HTR7: variants seen among roughly 807,000 people sequenced by gnomAD.
HTR7 encodes the protein 5-HT-7.
HTR7 carries 16 observed loss-of-function variants against 34.0 expected under a neutral mutation model. The ratio of observed to expected loss-of-function variants is 0.47; its 90% CI spans 0.32 to 0.71. HTR7 has a LOEUF of 0.71. Ranked by LOEUF, HTR7 falls within the 30% of genes least tolerant of loss-of-function variation. The probability of loss-of-function intolerance (pLI) is 0.04; values close to 1 mark genes in which losing one functional copy is unlikely to be tolerated. For synonymous variants in HTR7, 265 were observed against 260.2 expected, an observed-to-expected ratio of 1.02 and a Z score of -0.18; for missense variants, 504 against 625.5, an observed-to-expected ratio of 0.81 and a Z score of 2.07.
intron 1 of HTR7, among the ~76,000 whole-genome samples, chr10:90,758,896 G>A (rs1244666937): frequency 6.6e-6 from 1 of 152,124 alleles, no homozygotes; most frequent in Non-Finnish European, 1.5e-5. Flanking sequence ...TGTATAAAAT[G>A]TGAAATAGCG....
Position 90,811,177 on chromosome 10 carries a change from T to C in HTR7, c.539+45956A>G, listed in dbSNP as rs187224412. ...GTGCAGGGCTGTGCAGTCGGAATTC[T>C]TACACAAGGACCGGGATCGCGTCCT... On this transcript the variant is annotated intron_variant, in intron 1 of 3. Transcript: ENST00000336152. Among the ~76,000 whole-genome samples, 11 of 152,310 alleles carry C rather than the reference T, an allele frequency of 7.2e-5. No homozygotes were observed. The East Asian group carries it at 2.1e-3, about 29-fold the overall frequency.
intron 1 of HTR7, among the ~76,000 whole-genome samples, chr10:90,842,034 A>G (rs1279727801): frequency 6.6e-6 from 1 of 152,022 alleles, no homozygotes; most frequent in Non-Finnish European, 1.5e-5. Flanking sequence ...AACAACAACA[A>G]CAAAAAAGAT....
chr10:90,847,954 C>T (rs1049178404), intron 1 of HTR7, among the ~76,000 whole-genome samples: 1 of 151,888 alleles, frequency 6.6e-6, no homozygotes, highest in African/African-American at 2.4e-5. Flanking sequence ...ATTAAGTTAA[C>T]CCTTGTGTAA....
intron 1 of HTR7, among the ~76,000 whole-genome samples, chr10:90,767,663 A>G (rs970073887): frequency 6.6e-6 from 1 of 152,132 alleles, no homozygotes; most frequent in Non-Finnish European, 1.5e-5. Flanking sequence ...CCCTTAAGAG[A>G]TGTGCAGCTT....
At chr10:90,815,433 T>C (rs1053689321) in intron 1 of HTR7, among the ~76,000 whole-genome samples, 3 of 152,192 alleles carry the variant, frequency 2.0e-5, no homozygotes, top group African/African-American at 7.2e-5. Flanking sequence ...ACCTAAATGT[T>C]TATAAAAATG....
At chr10:90,747,382 T>C (rs1844657140) in intron 2 of HTR7, among the ~76,000 whole-genome samples, 1 of 152,208 alleles carries the variant, frequency 6.6e-6, no homozygotes, top group Non-Finnish European at 1.5e-5. Context: ...TGGGTTTGCT[T>C]ACAGTACATG....
chr10:90,762,586 C>T (rs1373781221), intron 1 of HTR7, among the ~76,000 whole-genome samples: 2 of 152,044 alleles, frequency 1.3e-5, no homozygotes, highest in African/African-American at 4.8e-5. Context: ...CTGTACATGG[C>T]CTTTTCATGT....
At chr10:90,782,295 T>C (rs143444411) in intron 1 of HTR7, among the ~76,000 whole-genome samples, 3 of 152,266 alleles carry the variant, frequency 2.0e-5, no homozygotes, top group African/African-American at 7.2e-5. Context: ...GAGCAAACCA[T>C]TGACCCCCGC....
At chr10:90,833,332 T>C (rs548067188) in intron 1 of HTR7, among the ~76,000 whole-genome samples, 1 of 152,318 alleles carries the variant, frequency 6.6e-6, no homozygotes, top group South Asian at 2.1e-4. Flanking sequence ...GAATAGACCA[T>C]ATTTTACATT....
chr10:90,768,398 C>T (rs1845055578), intron 1 of HTR7, among the ~76,000 whole-genome samples: 1 of 152,156 alleles, frequency 6.6e-6, no homozygotes, highest in Admixed American at 6.5e-5. Context: ...ATATATAAGG[C>T]ATATATTGAG....
intron 1 of HTR7, among the ~76,000 whole-genome samples, chr10:90,803,281 A>G (rs898153101): frequency 1.3e-5 from 2 of 152,080 alleles, no homozygotes; most frequent in African/African-American, 4.8e-5. Context: ...GGGGTTTGAT[A>G]TGTTGGCATA....
rs1355915580 is a variant in HTR7 at position 90,786,765 on chromosome 10, TTGTTCAA to T, written c.540-37178_540-37172del. 1.9e-4 allele frequency among the ~76,000 whole-genome samples: 29 copies of T among 152,298 alleles called. No individual in the cohort carries two copies. The East Asian group carries it at 5.0e-3, about 26-fold the overall frequency. On this transcript the variant is annotated intron_variant, in intron 1 of 3. Coordinates refer to ENST00000336152, the MANE Select transcript of HTR7 (RefSeq NM_019859.4). ...GTCTTGACATTTGCCTTCAAGATGT[TTGTTCAA>T]TGTAGAGAGAAAGCAAGAGGGCAAG...
intron 1 of HTR7, among the ~76,000 whole-genome samples, chr10:90,754,060 T>TA (rs889307756): frequency 3.2e-4 from 49 of 151,780 alleles, no homozygotes; most frequent in South Asian, 1.0e-3. Flanking sequence ...AGTGAGCATG[T>TA]AAAAAAAACA....
At chr10:90,832,564 C>T (rs766296100) in intron 1 of HTR7, among the ~76,000 whole-genome samples, 5 of 152,208 alleles carry the variant, frequency 3.3e-5, no homozygotes, top group African/African-American at 4.8e-5. Context: ...TCTCTCTCCA[C>T]ACCTTCCCAC....
rs371856419 is a variant in HTR7, at chr10:90,749,898, G to A, written c.540-304C>T. On this transcript the variant is annotated intron_variant, in intron 1 of 3. Transcript: ENST00000336152. This position sits in a 1 kb window ranked among gnomAD's most constrained non-coding sequence, Gnocchi z 4.2. Reference sequence around the variant, plus strand: ...GTCAACAAAGTTTAAAAAGCTCTCCGTCCCCATGACCACAGCCACCAAAAT... The same window carrying A: ...GTCAACAAAGTTTAAAAAGCTCTCCATCCCCATGACCACAGCCACCAAAAT... Among the ~76,000 whole-genome samples the A allele has an allele frequency of 5.3e-4, 80 of 152,080 alleles. No homozygotes were observed. The highest frequency in any genetic ancestry group is 6.9e-4 in the Non-Finnish European group (47 of 68,012).
At chr10:90,797,042 C>A (rs1845551492) in intron 1 of HTR7, among the ~76,000 whole-genome samples, 1 of 151,322 alleles carries the variant, frequency 6.6e-6, no homozygotes, top group Non-Finnish European at 1.5e-5. Flanking sequence ...AAATTTTAAT[C>A]TTCTCCTGAT....
intron 1 of HTR7, among the ~76,000 whole-genome samples, chr10:90,755,125 T>C (rs1844816401): frequency 6.6e-6 from 1 of 152,202 alleles, no homozygotes; most frequent in Non-Finnish European, 1.5e-5. Flanking sequence ...CCTTCTCCCA[T>C]TCAATTACAA....
intron 1 of HTR7, among the ~76,000 whole-genome samples, chr10:90,793,436 A>C (rs1845489449): frequency 6.8e-6 from 1 of 147,988 alleles, no homozygotes; most frequent in Non-Finnish European, 1.5e-5. Flanking sequence ...AATTACTTAT[A>C]GTAGTACATC....
In HTR7 at chr10:90,741,159, T is replaced by C. The variant is rs74148839; in HGVS notation, c.*1323A>G. 2 of 152,472 alleles carry C rather than the reference T, an allele frequency of 1.3e-5. No homozygotes were observed. The highest frequency in any genetic ancestry group is 4.8e-5 in the African/African-American group (2 of 41,354). 9.4% of individuals were successfully genotyped at this position (152,472 alleles called of 1,614,324 possible). A position where few individuals can be genotyped will look rare whatever the true frequency, so the allele number is the denominator to read the frequency against. On this transcript the variant is annotated 3_prime_UTR_variant, in exon 4 of 4. Coordinates refer to ENST00000336152, the MANE Select transcript of HTR7 (RefSeq NM_019859.4). ...GACAGCTTGCTTTATTGTAGGAAAA[T>C]AATATTCTCTTTCAGTTCACTCTTA...
Sources: gnomAD v4.1 joint callset for allele counts (sites outside exome capture counted in the v4.1 genomes callset) on GRCh38, gnomAD v4.1.1 for gene constraint, Gnocchi (gnomAD v3.1) non-coding constraint, MANE v1.5 for transcripts, NCBI Gene and HGNC (gene_info 2026-07-23, HGNC 2026-07-21) for gene names.